The following CDH13 variants were observed in gnomAD, a reference collection of about 807,000 sequenced individuals.
CDH13 encodes the protein cadherin 13.
A neutral mutation model predicts 63.8 loss-of-function variants in CDH13; 24 were observed. The ratio of observed to expected loss-of-function variants is 0.38; its 90% CI spans 0.27 to 0.53. CDH13 has a LOEUF of 0.53. CDH13 is among the 20% of genes least tolerant of loss of function. The pLI is 0.85. For missense variants in CDH13, 1,049 were observed against 903.1 expected (o/e 1.16, Z -2.07); for synonymous variants, 503 against 355.3 (o/e 1.42, Z -4.67).
At chr16:83,431,949 T>C (rs1181056543) in intron 6 of CDH13, among the ~76,000 whole-genome samples, 3 of 152,160 alleles carry the variant, frequency 2.0e-5, no homozygotes, top group Non-Finnish European at 4.4e-5. Context: ...TGGCAGATTT[T>C]GAGCAGAGGA....
intron 7 of CDH13, among the ~76,000 whole-genome samples, chr16:83,490,744 C>G (rs1259392866): frequency 6.6e-6 from 1 of 152,220 alleles, no homozygotes; most frequent in Non-Finnish European, 1.5e-5. Flanking sequence ...GTGATTCACA[C>G]TGGCTTGAAA....
At chr16:82,943,151 AT>A (rs1209666934) in intron 2 of CDH13, among the ~76,000 whole-genome samples, 5 of 152,320 alleles carry the variant, frequency 3.3e-5, no homozygotes, top group African/African-American at 1.2e-4. Flanking sequence ...AGCATTTACA[AT>A]TATTGTCATC....
chr16:82,778,459 CT>C (rs1324399360), intron 1 of CDH13, among the ~76,000 whole-genome samples: 3 of 149,456 alleles, frequency 2.0e-5, no homozygotes, highest in African/African-American at 7.4e-5. Flanking sequence ...AAGTGTTGAC[CT>C]TTGAAGTAGT....
chr16:83,121,339 C>T (rs1006185692), intron 3 of CDH13, among the ~76,000 whole-genome samples: 2 of 152,138 alleles, frequency 1.3e-5, no homozygotes, highest in Non-Finnish European at 2.9e-5. Flanking sequence ...CTTAAATATT[C>T]TCTCTGCTAG....
intron 1 of CDH13, among the ~76,000 whole-genome samples, chr16:82,857,876 G>T (rs1316930001): frequency 6.6e-6 from 1 of 152,236 alleles, no homozygotes; most frequent in South Asian, 2.1e-4. Flanking sequence ...GTAGCCACCG[G>T]TGGTTCATGG....
chr16:82,742,137 C>T (rs568612069), intron 1 of CDH13, among the ~76,000 whole-genome samples: 4 of 152,184 alleles, frequency 2.6e-5, no homozygotes, highest in African/African-American at 9.6e-5. Flanking sequence ...AAAAGGTTTA[C>T]CATGTATGTT....
chr16:82,888,554 G>T (rs2040971167), intron 2 of CDH13, among the ~76,000 whole-genome samples: 3 of 152,182 alleles, frequency 2.0e-5, no homozygotes, highest in Admixed American at 2.0e-4. Context: ...CCTCCTCCAT[G>T]CAGCACTGCT....
intron 1 of CDH13, among the ~76,000 whole-genome samples, chr16:82,819,784 A>G (rs969861549): frequency 6.6e-6 from 1 of 152,240 alleles, no homozygotes; most frequent in African/African-American, 2.4e-5. Context: ...TACATCAATG[A>G]ATAAATACGG....
chr16:82,923,785 A>G (rs1407106649), intron 2 of CDH13, among the ~76,000 whole-genome samples: 3 of 152,180 alleles, frequency 2.0e-5, no homozygotes, highest in Admixed American at 6.5e-5. Flanking sequence ...TTCCTGGTCT[A>G]TGATACAGAA....
intron 10 of CDH13, among the ~76,000 whole-genome samples, chr16:83,693,543 C>G (rs1041097750): frequency 6.6e-6 from 1 of 152,166 alleles, no homozygotes; most frequent in Non-Finnish European, 1.5e-5. Flanking sequence ...TTCCTCATTC[C>G]TGGTAAAATC....
chr16:83,660,555 T>A (rs898096947), intron 8 of CDH13, among the ~76,000 whole-genome samples: 2 of 152,226 alleles, frequency 1.3e-5, no homozygotes, highest in African/African-American at 4.8e-5. Context: ...GTGGCCCGGT[T>A]ACTAACAGGC....
chr16:83,281,433 A>G (rs2089171603), intron 5 of CDH13, among the ~76,000 whole-genome samples: 1 of 152,176 alleles, frequency 6.6e-6, no homozygotes, highest in Non-Finnish European at 1.5e-5. Flanking sequence ...TTTTATCCAG[A>G]CCACTCAAAC....
chr16:83,165,130 G>T (rs2151718260), intron 4 of CDH13, among the ~76,000 whole-genome samples: 1 of 150,778 alleles, frequency 6.6e-6, no homozygotes, highest in South Asian at 2.1e-4. Context: ...TGTCCTGTAA[G>T]AATTTAGGAA....
chr16:83,171,444 A>T, intron 4 of CDH13: 1 of 1,238,490 alleles, frequency 8.1e-7, no homozygotes, highest in Non-Finnish European at 1.1e-6. Context: ...CACAGATCCA[A>T]ACCATATCAA....
intron 4 of CDH13, among the ~76,000 whole-genome samples, chr16:83,160,725 C>G (rs866767068): frequency 6.6e-6 from 1 of 152,138 alleles, no homozygotes; most frequent in Non-Finnish European, 1.5e-5. Flanking sequence ...TCAAAAATCT[C>G]TGATCTGTTG....
At chr16:82,733,647 G>C (rs1190961055) in intron 1 of CDH13, among the ~76,000 whole-genome samples, 1 of 152,154 alleles carries the variant, frequency 6.6e-6, no homozygotes, top group Admixed American at 6.5e-5. Context: ...AGATGCTCAA[G>C]GTCACAGACC....
chr16:83,021,070 A>G (rs1915303807), intron 2 of CDH13, among the ~76,000 whole-genome samples: 1 of 152,194 alleles, frequency 6.6e-6, no homozygotes, highest in Admixed American at 6.5e-5. Context: ...GAAAATACCA[A>G]GAAGGGATCT....
chr16:82,768,726 G>C (rs1489424304), intron 1 of CDH13, among the ~76,000 whole-genome samples: 1 of 152,138 alleles, frequency 6.6e-6, no homozygotes, highest in Non-Finnish European at 1.5e-5. Flanking sequence ...TTGGTTGAGG[G>C]ATATTGTTCA....
Position 82,637,352 on chromosome 16 carries a change from T to C in CDH13, c.45+10215T>C, listed in dbSNP as rs74030158. On this transcript the variant is annotated intron_variant, in intron 1 of 13. Coordinates refer to ENST00000567109, the MANE Select transcript of CDH13 (RefSeq NM_001257.5). Reference sequence around the variant, plus strand: ...TTTCTTCCTTTTCTCAACAAAGATATTTAGTGAGTGCTGTATGCCAGGCAC... The same window carrying C: ...TTTCTTCCTTTTCTCAACAAAGATACTTAGTGAGTGCTGTATGCCAGGCAC... 8.1e-3 allele frequency among the ~76,000 whole-genome samples: 1,227 copies of C among 151,736 alleles called. 13 individuals carry two copies. The highest frequency in any genetic ancestry group is 0.027 in the African/African-American group (1,134 of 41,472).
Sources: gnomAD v4.1 joint callset for allele counts (sites outside exome capture counted in the v4.1 genomes callset) on GRCh38, gnomAD v4.1.1 for gene constraint, MANE v1.5 for transcripts, NCBI Gene and HGNC (gene_info 2026-07-23, HGNC 2026-07-21) for gene names.